PATJ: variants seen among roughly 807,000 people sequenced by gnomAD.
PATJ encodes the protein PATJ crumbs cell polarity complex component.
Under a neutral mutation model 224.9 loss-of-function variants are expected in PATJ, and 190 were observed. That is an observed-to-expected ratio of 0.84 (90% CI 0.75 to 0.95). The LOEUF (loss-of-function observed/expected upper bound fraction) is 0.95. PATJ is among the 40% of genes least tolerant of loss of function. PATJ has a pLI of 0.00. For missense variants in PATJ, 2,121 were observed against 2,270.3 expected (o/e 0.93, Z 1.34); for synonymous variants, 769 against 820.3 (o/e 0.94, Z 1.07).
intron 41 of PATJ, among the ~76,000 whole-genome samples, chr1:62,147,651 T>C (rs1376562653): frequency 1.3e-5 from 2 of 151,950 alleles, no homozygotes; most frequent in Non-Finnish European, 2.9e-5. Context: ...ATATAAAAAT[T>C]AGCTGGGCGT....
rs371914600 is a variant in PATJ, at chr1:62,132,973, T to C, written c.5271+4028T>C. ...TTTTTTTAATTGAGGTAAAAAGTTG[T>C]TGGAAAGTATTAGAACTACAGAGGA... On this transcript the variant is annotated intron_variant, in intron 41 of 43. Coordinates refer to ENST00000642238, the MANE Select transcript of PATJ (RefSeq NM_001350145.3). 1.3e-3 allele frequency among the ~76,000 whole-genome samples: 198 copies of C among 151,970 alleles called. 1 individual carries two copies. Among genetic ancestry groups the C allele is most frequent in the African/African-American group, 4.7e-3 (193 of 41,468 alleles).
chr1:61,873,464 C>T (rs1278153496), intron 20 of PATJ, among the ~76,000 whole-genome samples: 5 of 152,074 alleles, frequency 3.3e-5, no homozygotes, highest in South Asian at 2.1e-4. Context: ...CCACTGCACC[C>T]GGCAATAAAA....
chr1:61,788,079 GCTCACT>G, intron 8 of PATJ, 107 bp downstream of exon 8: 1 of 795,300 alleles, frequency 1.3e-6, no homozygotes, highest in Non-Finnish European at 1.9e-6. Context: ...TGAGTTGTGC[GCTCACT>G]AGTGAAACAG....
chr1:61,966,826 A>T (rs755339308), intron 27 of PATJ, among the ~76,000 whole-genome samples: 2 of 152,078 alleles, frequency 1.3e-5, no homozygotes, highest in Admixed American at 6.6e-5. Context: ...CCCTTTTTAG[A>T]CCATATAGGG....
chr1:62,092,220 A>T lies in PATJ; in HGVS notation c.4377+7572A>T, dbSNP rs80256014. Reference sequence around the variant, plus strand: ...TGGCAAGACCCCTGTCTCAAAAAAAATTTTTTTTAATTAGCTGAGCATGGT... The same window carrying T: ...TGGCAAGACCCCTGTCTCAAAAAAATTTTTTTTTAATTAGCTGAGCATGGT... On this transcript the variant is annotated intron_variant, in intron 33 of 43. Coordinates refer to ENST00000642238, the MANE Select transcript of PATJ (RefSeq NM_001350145.3). Among the ~76,000 whole-genome samples, 565 of 151,440 alleles carry T rather than the reference A, an allele frequency of 3.7e-3. 4 individuals are homozygous for T. Among genetic ancestry groups the T allele is most frequent in the Middle Eastern group, 0.014 (4 of 290 alleles).
At chr1:61,775,054 C>T (rs1646837820) in intron 6 of PATJ, 152 bp from the exon 7 acceptor site, 1 of 701,500 alleles carries the variant, frequency 1.4e-6, no homozygotes, top group Middle Eastern at 3.0e-4. Flanking sequence ...TTATCTCTGT[C>T]TGTATATCTT....
intron 22 of PATJ, among the ~76,000 whole-genome samples, chr1:61,896,842 C>T (rs1279812813): frequency 6.6e-6 from 1 of 152,168 alleles, no homozygotes; most frequent in Non-Finnish European, 1.5e-5. Context: ...CATACACCTT[C>T]CTTCCCCTTA....
At chr1:62,029,608 G>A (rs1648804467) in intron 29 of PATJ, among the ~76,000 whole-genome samples, 1 of 152,116 alleles carries the variant, frequency 6.6e-6, no homozygotes, top group African/African-American at 2.4e-5. Flanking sequence ...ACATATATGT[G>A]CATCCAAAAA....
At chr1:62,114,451 T>A in intron 35 of PATJ, 1 of 544,706 alleles carries the variant, frequency 1.8e-6, no homozygotes, top group South Asian at 2.3e-5. Context: ...CCAAGTCCAA[T>A]CAATCCAGAC....
chr1:61,933,244 G>A (rs959903237), intron 27 of PATJ, among the ~76,000 whole-genome samples: 2 of 151,990 alleles, frequency 1.3e-5, no homozygotes, highest in African/African-American at 4.8e-5. Context: ...TAACTTTGTG[G>A]AAATGGCCTT....
Position 61,829,075 on chromosome 1 carries a change from A to G in PATJ, c.1980+1492A>G, listed in dbSNP as rs369453223. On this transcript the variant is annotated intron_variant, in intron 16 of 43. Transcript: ENST00000642238. Reference sequence around the variant, plus strand: ...TGGCTGTTTGAGTCTCTGCCAGTCCATCCGTTTTTGTTTTCTTATGTCCTG... The same window carrying G: ...TGGCTGTTTGAGTCTCTGCCAGTCCGTCCGTTTTTGTTTTCTTATGTCCTG... 2.0e-5 allele frequency among the ~76,000 whole-genome samples: 3 copies of G among 152,106 alleles called. No individual in the cohort carries two copies. In the East Asian group the frequency reaches 5.8e-4, roughly 29 times the overall value.
At position 61,833,882 on chromosome 1, in the gene PATJ, C is replaced by A. The variant is rs1042088059; in HGVS notation, c.2112+97C>A. 5 of 1,073,980 alleles carry A rather than the reference C, an allele frequency of 4.7e-6. No individual in the cohort carries two copies. In the East Asian group the frequency reaches 7.7e-5, roughly 17 times the overall value. The allele number at this position is 1,073,980 out of a possible 1,614,324, so 66.5% of individuals were successfully genotyped here. ...TGTTTAAGACCCCTATTGACTTAAG[C>A]AAAACTGAATCCCAAAGATGGGATA... On this transcript the variant is annotated intron_variant, in intron 17 of 43. Transcript: ENST00000642238.
chr1:61,899,724 A>G lies in PATJ; in HGVS notation c.3203+70A>G, dbSNP rs75123787. The G allele has an allele frequency of 1.8e-4, 189 of 1,042,192 alleles. 1 individual carries two copies. The African/African-American group carries it at 2.2e-3, about 12-fold the overall frequency. The allele number at this position is 1,042,192 out of a possible 1,614,324, so 64.6% of individuals were successfully genotyped here. A position where few individuals can be genotyped will look rare whatever the true frequency, so the allele number is the denominator to read the frequency against. ...CAGTTGCTCTTTTCTTTAACTTAAC[A>G]GAACATTATTTAGTCCTACTCTAAT... is the stretch of plus-strand genomic sequence containing the variant. On this transcript the variant is annotated intron_variant, in intron 23 of 43. Coordinates refer to ENST00000642238, the MANE Select transcript of PATJ (RefSeq NM_001350145.3).
intron 22 of PATJ, among the ~76,000 whole-genome samples, chr1:61,894,270 C>CA (rs71050178): frequency 1.3e-5 from 2 of 148,618 alleles, no homozygotes; most frequent in African/African-American, 2.5e-5. Context: ...AAAAAAAAAA[C>CA]ACAAAAAAAA....
chr1:61,972,273 A>G lies in PATJ; in HGVS notation c.3671-17895A>G, dbSNP rs141368976. ...TGACTGTGACCCGTCACGTGAGGTCAGGTGTGGCTTCATGCGACTGTGACT... is the reference window on the plus strand; with the variant it reads ...TGACTGTGACCCGTCACGTGAGGTCGGGTGTGGCTTCATGCGACTGTGACT... On this transcript the variant is annotated intron_variant, in intron 27 of 43. Transcript: ENST00000642238. 1.2e-4 allele frequency among the ~76,000 whole-genome samples: 19 copies of G among 152,180 alleles called. No homozygotes were observed. The East Asian group carries it at 3.5e-3, about 28-fold the overall frequency.
chr1:62,150,679 G>GAA (rs56167585), intron 42 of PATJ, among the ~76,000 whole-genome samples: 65 of 81,994 alleles, frequency 7.9e-4, no homozygotes, highest in Admixed American at 1.3e-3. Flanking sequence ...CCTGTCTCAA[G>GAA]AAAAAAAAAA....
intron 28 of PATJ, among the ~76,000 whole-genome samples, chr1:61,993,498 T>C (rs1645181796): frequency 6.6e-6 from 1 of 152,128 alleles, no homozygotes; most frequent in African/African-American, 2.4e-5. Context: ...CATTCCAAGC[T>C]TTTAGCTGTG....
At chr1:62,107,199 A>G (rs932615465) in intron 33 of PATJ, among the ~76,000 whole-genome samples, 1 of 151,884 alleles carries the variant, frequency 6.6e-6, no homozygotes, top group South Asian at 2.1e-4. Flanking sequence ...CCAGCTACTC[A>G]GGAGGCTGAG....
intron 1 of PATJ, among the ~76,000 whole-genome samples, chr1:61,757,388 T>C (rs1645709685): frequency 6.6e-6 from 1 of 151,620 alleles, no homozygotes; most frequent in South Asian, 2.1e-4. Flanking sequence ...TTCATTATTT[T>C]TATTTTTGTT....
Sources: gnomAD v4.1 joint callset for allele counts (sites outside exome capture counted in the v4.1 genomes callset) on GRCh38, gnomAD v4.1.1 for gene constraint, MANE v1.5 for transcripts, NCBI Gene and HGNC (gene_info 2026-07-23, HGNC 2026-07-21) for gene names.